CREB5: variants seen among roughly 807,000 people sequenced by gnomAD.
The protein encoded by CREB5 is cAMP responsive element binding protein 5, also known as cyclic AMP-responsive element-binding protein 5.
Under a neutral mutation model 57.1 loss-of-function variants are expected in CREB5, and 19 were observed. The ratio of observed to expected loss-of-function variants is 0.33; its 90% CI spans 0.23 to 0.49. The LOEUF (loss-of-function observed/expected upper bound fraction) is 0.49, where lower values mean the gene tolerates loss of function less well. Ranked by LOEUF, CREB5 falls within the 20% of genes least tolerant of loss-of-function variation. CREB5 has a pLI of 0.99. For missense variants in CREB5, 579 were observed against 671.6 expected (o/e 0.86, Z 1.52); for synonymous variants, 238 against 238.3 (o/e 1.00, Z 0.01).
At chr7:28,543,814 G>A (rs1461060518) in intron 4 of CREB5, among the ~76,000 whole-genome samples, 1 of 151,816 alleles carries the variant, frequency 6.6e-6, no homozygotes, top group Non-Finnish European at 1.5e-5. Context: ...GAGTCCACAC[G>A]GGGAGTGGGC....
chr7:28,624,693 A>AC (rs1554276708), intron 5 of CREB5, among the ~76,000 whole-genome samples: 2 of 149,134 alleles, frequency 1.3e-5, no homozygotes, highest in African/African-American at 2.5e-5. Flanking sequence ...AAAAAAAAAA[A>AC]CAATCTTGAA....
At chr7:28,419,929 C>T (rs897713682) in intron 1 of CREB5, among the ~76,000 whole-genome samples, 6 of 152,142 alleles carry the variant, frequency 3.9e-5, no homozygotes, top group Admixed American at 1.3e-4. Context: ...GCTGTGTTGA[C>T]GTCATCAAAG....
chr7:28,501,877 C>T (rs1792288887), intron 3 of CREB5, among the ~76,000 whole-genome samples: 1 of 152,144 alleles, frequency 6.6e-6, no homozygotes, highest in African/African-American at 2.4e-5. Flanking sequence ...TTGTAAGAGA[C>T]ACCTTTGTCA....
chr7:28,700,218 T>TCACA, intron 5 of CREB5, among the ~76,000 whole-genome samples: 1 of 152,188 alleles, frequency 6.6e-6, no homozygotes, highest in South Asian at 2.1e-4. Flanking sequence ...TCTCTCCAAC[T>TCACA]CACACACGCG....
intron 2 of CREB5, among the ~76,000 whole-genome samples, chr7:28,489,597 GGCCGGA>G (rs1562752315): frequency 6.6e-6 from 1 of 151,994 alleles, no homozygotes; most frequent in African/African-American, 2.4e-5. Flanking sequence ...CACCGCGCCC[GGCCGGA>G]CCCTTCTTAT....
chr7:28,342,393 GA>G (rs1456854068), intron 1 of CREB5, among the ~76,000 whole-genome samples: 2 of 152,056 alleles, frequency 1.3e-5, no homozygotes, highest in African/African-American at 4.8e-5. Flanking sequence ...CAACTTCATT[GA>G]TTCAGACTAA....
At chr7:28,503,548 A>G (rs1216126174) in intron 3 of CREB5, among the ~76,000 whole-genome samples, 1 of 152,020 alleles carries the variant, frequency 6.6e-6, no homozygotes, top group South Asian at 2.1e-4. Flanking sequence ...ATTGAGGGCC[A>G]TGATTCATAG....
At chr7:28,595,721 G>A (rs148354838) in intron 5 of CREB5, among the ~76,000 whole-genome samples, 219 of 152,300 alleles carry the variant, frequency 1.4e-3, no homozygotes, top group African/African-American at 5.0e-3. Context: ...GCATGGAAAT[G>A]GGTCTGGCTT....
chr7:28,426,453 C>T (rs867769214), intron 1 of CREB5, among the ~76,000 whole-genome samples: 38 of 152,226 alleles, frequency 2.5e-4, no homozygotes, highest in African/African-American at 8.4e-4. Flanking sequence ...CCCTCAGCCA[C>T]ATCCTTGTAG....
intron 7 of CREB5, among the ~76,000 whole-genome samples, chr7:28,759,821 T>A (rs1006229913): frequency 1.3e-5 from 2 of 152,248 alleles, no homozygotes; most frequent in African/African-American, 4.8e-5. Context: ...CACGCAACTT[T>A]TCAGAATGTG....
intron 7 of CREB5, among the ~76,000 whole-genome samples, chr7:28,738,399 G>T (rs1261264721): frequency 6.6e-6 from 1 of 152,196 alleles, no homozygotes; most frequent in Non-Finnish European, 1.5e-5. Context: ...TCGGTCTCGA[G>T]GACATGGTTC....
chr7:28,652,687 A>G (rs1187539513), intron 5 of CREB5, among the ~76,000 whole-genome samples: 2 of 152,240 alleles, frequency 1.3e-5, no homozygotes. Context: ...TGCACAGATT[A>G]GATGCACAAT....
chr7:28,411,917 A>G (rs1787820181), upstream of CREB5, among the ~76,000 whole-genome samples: 1 of 151,916 alleles, frequency 6.6e-6, no homozygotes, highest in Non-Finnish European at 1.5e-5. Context: ...TGCATCGAAA[A>G]TGTTGAACTT....
chr7:28,560,770 C>T (rs1022938227), intron 4 of CREB5, among the ~76,000 whole-genome samples: 14 of 151,532 alleles, frequency 9.2e-5, no homozygotes, highest in Non-Finnish European at 1.6e-4. Flanking sequence ...AATTGGCTCT[C>T]GGTGACACAT....
intron 5 of CREB5, among the ~76,000 whole-genome samples, chr7:28,639,147 A>G (rs567032850): frequency 6.6e-6 from 1 of 152,298 alleles, no homozygotes; most frequent in East Asian, 1.9e-4. Context: ...CAGACTAATG[A>G]TTTCAGCCTC....
intron 5 of CREB5, among the ~76,000 whole-genome samples, chr7:28,590,983 C>T (rs1350116469): frequency 6.6e-6 from 1 of 152,140 alleles, no homozygotes; most frequent in Admixed American, 6.5e-5. Context: ...TGATGTCTTT[C>T]AGATTGCCAA....
intron 1 of CREB5, among the ~76,000 whole-genome samples, chr7:28,383,338 T>C (rs997033712): frequency 4.6e-5 from 7 of 152,074 alleles, no homozygotes; most frequent in Non-Finnish European, 1.0e-4. Flanking sequence ...GAAAACTTAG[T>C]TGGAAAAGGG....
intron 7 of CREB5, among the ~76,000 whole-genome samples, chr7:28,745,460 G>A (rs1804636213): frequency 6.6e-6 from 1 of 152,300 alleles, no homozygotes; most frequent in Non-Finnish European, 1.5e-5. Context: ...ATTTGGGAAG[G>A]GATTCCATGC....
At chr7:28,351,173 A>C (rs1562669502) in intron 1 of CREB5, among the ~76,000 whole-genome samples, 1 of 152,356 alleles carries the variant, frequency 6.6e-6, no homozygotes, top group East Asian at 1.9e-4. Flanking sequence ...CCTATGGAAG[A>C]GTGAAAATGG....
Sources: gnomAD v4.1 joint callset for allele counts (sites outside exome capture counted in the v4.1 genomes callset) on GRCh38, gnomAD v4.1.1 for gene constraint, MANE v1.5 for transcripts, NCBI Gene and HGNC (gene_info 2026-07-23, HGNC 2026-07-21) for gene names.